The following CDKL5 variants were observed in gnomAD, a reference collection of about 807,000 sequenced individuals.
CDKL5 encodes the protein cyclin dependent kinase like 5, also known as cyclin-dependent kinase-like 5.
In CDKL5, 8 loss-of-function variants were observed where a neutral mutation model predicts 61.7. The observed-to-expected ratio is 0.13, with a 90% CI of 0.08 to 0.23. The LOEUF is 0.23. Ranked by LOEUF, CDKL5 falls within the 10% of genes least tolerant of loss-of-function variation. CDKL5 has a pLI of 1.00. For missense variants in CDKL5, 440 were observed against 734.5 expected (o/e 0.60, Z 4.63); for synonymous variants, 275 against 272.3 (o/e 1.01, Z -0.10).
chrX:18,528,913 G>A (rs1217439156), intron 3 of CDKL5, among the ~76,000 whole-genome samples: 2 of 111,567 alleles, frequency 1.8e-5, no homozygotes, highest in East Asian at 2.8e-4. Context: ...TGGGATTACA[G>A]GCATGAGCCA....
intron 1 of CDKL5, among the ~76,000 whole-genome samples, chrX:18,469,458 G>A (rs1468100496): frequency 9.3e-6 from 1 of 107,601 alleles, no homozygotes; most frequent in Admixed American, 1.0e-4. Flanking sequence ...AGACCAGCCT[G>A]ACCAACATGG....
chrX:18,547,613 A>G (rs563694132), intron 3 of CDKL5, among the ~76,000 whole-genome samples: 151 of 111,938 alleles, frequency 1.3e-3, no homozygotes, highest in African/African-American at 4.8e-3. Context: ...GTTTCAAGAC[A>G]ACAGACAAAA....
downstream of CDKL5, among the ~76,000 whole-genome samples, chrX:18,642,988 T>C (rs1602309584): frequency 9.0e-6 from 1 of 111,381 alleles, no homozygotes; most frequent in East Asian, 2.8e-4. Flanking sequence ...GAGGTTACAG[T>C]GAGCTGAGAT....
chrX:18,438,060 A>C (rs1274388560), intron 1 of CDKL5, among the ~76,000 whole-genome samples: 3 of 110,705 alleles, frequency 2.7e-5, no homozygotes, highest in Non-Finnish European at 5.7e-5. Context: ...GCCATGAGTT[A>C]TTTTCTTTCT....
rs1418563117 is a variant in CDKL5 at position 18,650,425 on chromosome X, G to C, written c.2813G>C (p.Cys938Ser). The C allele has an allele frequency of 8.3e-6, 10 of 1,210,413 alleles. No homozygotes were observed. In the African/African-American group the frequency reaches 1.6e-4, roughly 19 times the overall value. The change falls in exon 21 of 22, where the codon TGT (cysteine) becomes TCT (serine). Residue 938 changes from cysteine to serine, a missense_variant. Coordinates refer to the CDKL5 transcript ENST00000379989. The stretch of plus-strand genomic sequence containing the variant: ...TATTTTCCAGGAGAATACTTCTGCT[G>C]TGGTGACCCAAAGAAGCCTCACACT...
At chrX:18,646,162 T>C (rs1927765927) in intron 20 of CDKL5, 1 of 1,192,759 alleles carries the variant, frequency 8.4e-7, no homozygotes, top group Non-Finnish European at 1.1e-6. Context: ...CTTTTTTTTT[T>C]CCTTTCTGAG....
In CDKL5 at chrX:18,647,301, C is replaced by T. The variant is rs104894932; in HGVS notation, c.2797+1211C>T. On this transcript the variant is annotated intron_variant, in intron 20 of 21. Coordinates refer to the CDKL5 transcript ENST00000379989. ...TCTGGTCCGGTGTGACCTCCCCTGACTCGAAACCCAGAGGCTTGTGATATG... is the reference window on the plus strand; with the variant it reads ...TCTGGTCCGGTGTGACCTCCCCTGATTCGAAACCCAGAGGCTTGTGATATG... 4 of 1,209,173 alleles carry T rather than the reference C, an allele frequency of 3.3e-6. No homozygotes were observed. The highest frequency in any genetic ancestry group is 4.5e-6 in the Non-Finnish European group (4 of 895,055).
chrX:18,584,158 A>T (rs1401353824), intron 7 of CDKL5, 105 bp from the exon 8 acceptor site: 4 of 569,421 alleles, frequency 7.0e-6, no homozygotes, highest in Non-Finnish European at 1.3e-5. Context: ...CAGTCATTAC[A>T]TTCTTTTGAT....
At chrX:18,626,015 G>A (rs1350300243) in intron 17 of CDKL5, among the ~76,000 whole-genome samples, 1 of 108,777 alleles carries the variant, frequency 9.2e-6, no homozygotes, top group Non-Finnish European at 1.9e-5. Flanking sequence ...GATTACTTGT[G>A]TCTGTGATTT....
In CDKL5 at chrX:18,604,811, G is replaced by A. The variant is rs1306134402; in HGVS notation, c.1887G>A (p.Leu629=). The change falls in exon 12 of 18, where the codon TTG becomes TTA. Residue 629 remains leucine, a synonymous_variant. Transcript: ENST00000623535. ...GAGCCAAGGGCTTGGATGGAAGCTT[G>A]AGCATAGGGCAAGGGATGGCAGCTA... The part of the protein sequence containing the change: ...KVRAKGLDGS[L]SIGQGMAARA... The A allele has an allele frequency of 8.3e-7, 1 of 1,211,592 alleles. No homozygotes were observed. Among genetic ancestry groups the A allele is most frequent in the Admixed American group, 2.2e-5 (1 of 46,050 alleles).
chrX:18,496,332 C>T (rs748788686), intron 1 of CDKL5, among the ~76,000 whole-genome samples: 3 of 111,869 alleles, frequency 2.7e-5, no homozygotes, highest in South Asian at 3.7e-4. Context: ...TTTTCTGATT[C>T]GCAGTTGGTT....
intron 1 of CDKL5, among the ~76,000 whole-genome samples, chrX:18,486,735 G>A (rs1011822091): frequency 8.1e-5 from 9 of 111,565 alleles, no homozygotes; most frequent in Non-Finnish European, 1.1e-4. Context: ...TGACATGATT[G>A]GTTCCCTTCA....
At chrX:18,528,237 A>ATTTT (rs749197887) in intron 3 of CDKL5, among the ~76,000 whole-genome samples, 23 of 68,395 alleles carry the variant, frequency 3.4e-4, no homozygotes, top group Admixed American at 5.1e-4. Context: ...ACCCATACTC[A>ATTTT]TTTTTTTTTT....
intron 4 of CDKL5, among the ~76,000 whole-genome samples, chrX:18,572,598 A>G (rs1274592512): frequency 8.9e-6 from 1 of 111,964 alleles, no homozygotes; most frequent in Non-Finnish European, 1.9e-5. Context: ...AGTTTATCGT[A>G]CTGCCTGATA....
intron 1 of CDKL5, among the ~76,000 whole-genome samples, chrX:18,430,451 C>T (rs1040043986): frequency 9.0e-6 from 1 of 111,253 alleles, no homozygotes; most frequent in Non-Finnish European, 1.9e-5. Flanking sequence ...ATTGTGTGTG[C>T]GTGTTTTTTT....
chrX:18,551,270 T>A (rs764345420), intron 3 of CDKL5, among the ~76,000 whole-genome samples: 12 of 111,013 alleles, frequency 1.1e-4, no homozygotes, highest in Non-Finnish European at 2.1e-4. Context: ...AATTACCCAC[T>A]TATATACAAT....
chrX:18,525,665 G>C (rs1436985590), intron 3 of CDKL5, among the ~76,000 whole-genome samples: 1 of 109,907 alleles, frequency 9.1e-6, no homozygotes, highest in Non-Finnish European at 1.9e-5. Flanking sequence ...TCACAGAATA[G>C]CTTCTGGGGA....
At position 18,439,383 on chromosome X, in the gene CDKL5, A is replaced by G. The variant is rs150369896; in HGVS notation, c.-163+13688A>G. On this transcript the variant is annotated intron_variant, in intron 1 of 17. Coordinates refer to ENST00000623535, the MANE Select transcript of CDKL5 (RefSeq NM_001323289.2). ...TGAATTCATTGAAATGCTGAGTTCT[A>G]TTCCATAATAGGTGTGTGTGTGTGT... is the stretch of plus-strand genomic sequence containing the variant. Among the ~76,000 whole-genome samples the G allele has an allele frequency of 8.8e-4, 95 of 107,946 alleles. No homozygotes were observed. In the East Asian group the frequency reaches 0.012, roughly 14 times the overall value. The allele number at this position is 107,946 out of a possible 115,157, so 93.7% of individuals were successfully genotyped here.
intron 1 of CDKL5, among the ~76,000 whole-genome samples, chrX:18,481,730 T>C (rs1459810696): frequency 9.1e-6 from 1 of 109,711 alleles, no homozygotes; most frequent in Non-Finnish European, 1.9e-5. Context: ...TGCTAATGAA[T>C]CTTTCATTTT....
Sources: allele counts gnomAD v4.1 joint callset (sites outside exome capture counted in the v4.1 genomes callset), GRCh38; gene constraint gnomAD v4.1.1; transcripts MANE v1.5; gene names NCBI Gene and HGNC (gene_info 2026-07-23, HGNC 2026-07-21).